CBY1: variants seen among roughly 807,000 people sequenced by gnomAD.
CBY1 encodes protein chibby homolog 1.
A neutral mutation model predicts 15.6 loss-of-function variants in CBY1; 10 were observed. The observed-to-expected ratio is 0.64, with a 90% CI of 0.40 to 1.09. The LOEUF is 1.09. CBY1 is among the 50% of genes least tolerant of loss of function. The pLI is 0.01. For synonymous variants in CBY1, 61 were observed against 63.5 expected (o/e 0.96, Z 0.19); for missense variants, 150 against 160.5 (o/e 0.93, Z 0.35).
intron 1 of CBY1, among the ~76,000 whole-genome samples, chr22:38,666,313 C>T (rs993564556): frequency 2.0e-5 from 3 of 151,812 alleles, no homozygotes; most frequent in East Asian, 3.9e-4. Context: ...CTCCTGTGCT[C>T]AAGTAATCCT....
At chr22:38,662,587 C>T (rs1356451399) in intron 1 of CBY1, among the ~76,000 whole-genome samples, 7 of 151,960 alleles carry the variant, frequency 4.6e-5, no homozygotes, top group Non-Finnish European at 8.8e-5. Flanking sequence ...GGCTCCTGGG[C>T]GCAAGCAATC....
At chr22:38,668,168 C>A in intron 2 of CBY1, 36 bp downstream of exon 2, 1 of 1,269,210 alleles carries the variant, frequency 7.9e-7, no homozygotes, top group Non-Finnish European at 1.2e-6. Context: ...GGGTGTGCAG[C>A]ATGAGTTGAG....
rs772615115 is a variant in CBY1 at position 38,670,978 on chromosome 22, A to T, written c.173A>T (p.Gln58Leu). Reference sequence around the variant, plus strand: ...CAAAGCCTGAAGTTTGAAAATGGCCAGTGGATAGCAGGTGAGCTGCACTTC... The same window carrying T: ...CAAAGCCTGAAGTTTGAAAATGGCCTGTGGATAGCAGGTGAGCTGCACTTC... ...AGQSLKFENGQWIAETGVSGG... is the reference protein window; with the variant it reads ...AGQSLKFENGLWIAETGVSGG... Residue 58 changes from glutamine to leucine, a missense_variant, in exon 3 of 5, where the codon CAG becomes CTG. Physicochemically the swap from Gln to Leu is moderately radical, Grantham distance 113 (BLOSUM62 -2). Coordinates refer to ENST00000216029, the MANE Select transcript of CBY1 (RefSeq NM_015373.4). The T allele has an allele frequency of 6.2e-7, 1 of 1,613,990 alleles. No individual in the cohort carries two copies.
chr22:38,666,607 G>A (rs1387327322), intron 1 of CBY1: 1 of 152,128 alleles, frequency 6.6e-6, no homozygotes, highest in Non-Finnish European at 1.5e-5. Context: ...GACATATGAG[G>A]TGCACTGTTG....
chr22:38,668,794 A>G (rs1269919990), intron 2 of CBY1: 1 of 152,680 alleles, frequency 6.5e-6, no homozygotes, highest in Non-Finnish European at 1.5e-5. Flanking sequence ...GGGGCTGAGC[A>G]TTCACTACAG....
intron 1 of CBY1, among the ~76,000 whole-genome samples, chr22:38,658,661 A>G (rs1882684453): frequency 1.3e-5 from 2 of 151,338 alleles, no homozygotes; most frequent in South Asian, 4.2e-4. Flanking sequence ...TATTTTTAGT[A>G]GAGACGGGGT....
At chr22:38,669,475 AG>A (rs1199131658) in intron 2 of CBY1, among the ~76,000 whole-genome samples, 5 of 152,200 alleles carry the variant, frequency 3.3e-5, no homozygotes, top group African/African-American at 1.2e-4. Context: ...AGGAGGGGAG[AG>A]AAAAACATCA....
At chr22:38,668,246 C>T (rs574463738) in intron 2 of CBY1, 114 bp downstream of exon 2, 6 of 661,106 alleles carry the variant, frequency 9.1e-6, no homozygotes, top group African/African-American at 9.0e-5. Context: ...GCATCCTTTC[C>T]GTCCATATCA....
intron 1 of CBY1, among the ~76,000 whole-genome samples, chr22:38,657,826 T>C (rs1425580020): frequency 6.6e-6 from 1 of 152,208 alleles, no homozygotes; most frequent in Non-Finnish European, 1.5e-5. Context: ...AGTGGGGACT[T>C]GACTTATTTC....
At chr22:38,667,397 T>G (rs562929920) in intron 1 of CBY1, among the ~76,000 whole-genome samples, 1 of 152,002 alleles carries the variant, frequency 6.6e-6, no homozygotes, top group South Asian at 2.1e-4. Flanking sequence ...AGCCTCAACC[T>G]CCCTGGGCTC....
Position 38,671,076 on chromosome 22 carries a change from G to C in CBY1, c.191G>C (p.Gly64Ala). The C allele has an allele frequency of 6.2e-7, 1 of 1,614,146 alleles. No homozygotes were observed. The highest frequency in any genetic ancestry group is 1.3e-5 in the African/African-American group (1 of 75,072). Residue 64 changes from glycine (G) to alanine (A), a missense_variant, in exon 4 of 5, where the codon GGG (glycine) becomes GCG (alanine). Physicochemically the swap from Gly to Ala is moderately conservative, Grantham distance 60. Transcript: ENST00000216029. Reference sequence around the variant, plus strand: ...GGTTCTGTCCTTCCTCCAGAGACAGGGGTTAGTGGCGGTGTGGACCGGAGG... The same window carrying C: ...GGTTCTGTCCTTCCTCCAGAGACAGCGGTTAGTGGCGGTGTGGACCGGAGG... ...FENGQWIAETGVSGGVDRREV... is the reference protein window; with the variant it reads ...FENGQWIAETAVSGGVDRREV...
intron 1 of CBY1, among the ~76,000 whole-genome samples, chr22:38,657,554 A>G (rs2092403967): frequency 6.6e-6 from 1 of 152,256 alleles, no homozygotes; most frequent in South Asian, 2.1e-4. Context: ...CCAGAATCCC[A>G]GGATCTCAGC....
At chr22:38,666,234 T>TATA (rs1555982684) in intron 1 of CBY1, among the ~76,000 whole-genome samples, 3,757 of 82,478 alleles carry the variant, frequency 0.046, 62 homozygotes, top group East Asian at 0.1. Flanking sequence ...TATATATATA[T>TATA]TTTTTTTTCT....
intron 1 of CBY1, among the ~76,000 whole-genome samples, chr22:38,661,272 C>G (rs2092421635): frequency 6.6e-6 from 1 of 152,224 alleles, no homozygotes; most frequent in African/African-American, 2.4e-5. Flanking sequence ...CTCCCAGGTT[C>G]AAGCGTTTCT....
At chr22:38,668,275 T>G (rs749931126) in intron 2 of CBY1, 143 bp downstream of exon 2, 3 of 572,860 alleles carry the variant, frequency 5.2e-6, no homozygotes. Context: ...GCGGAAAACA[T>G]TTTTGAACTC....
chr22:38,671,084 G>A lies in CBY1; in HGVS notation c.199G>A (p.Gly67Ser), dbSNP rs2092451047. The change falls in exon 4 of 5, where the codon GGC (glycine) becomes AGC (serine). Residue 67 changes from glycine to serine, a missense_variant. By Grantham distance (56) the Gly-to-Ser change is moderately conservative (BLOSUM62 0). Transcript: ENST00000216029. ...GQWIAETGVS[G>S]GVDRREVQRL... ...CCTTCCTCCAGAGACAGGGGTTAGTGGCGGTGTGGACCGGAGGGAGGTTCA... is the reference window on the plus strand; with the variant it reads ...CCTTCCTCCAGAGACAGGGGTTAGTAGCGGTGTGGACCGGAGGGAGGTTCA... The A allele has an allele frequency of 6.2e-7, 1 of 1,614,004 alleles. No individual in the cohort carries two copies. Among genetic ancestry groups the A allele is most frequent in the African/African-American group, 1.3e-5 (1 of 74,940 alleles).
Position 38,663,484 on chromosome 22 carries a change from T to C in CBY1, c.-38-4533T>C, listed in dbSNP as rs1169310428. 4.0e-5 allele frequency among the ~76,000 whole-genome samples: 6 copies of C among 150,966 alleles called. No homozygotes were observed. The South Asian group carries it at 6.3e-4, about 16-fold the overall frequency. ...GCTGAGGTGGGTGGATCACCTGAGG[T>C]TGGGAGTTCGAGACCAGCCTGACCA... On this transcript the variant is annotated intron_variant, in intron 1 of 4. Coordinates refer to ENST00000216029, the MANE Select transcript of CBY1 (RefSeq NM_015373.4).
At chr22:38,665,448 G>T (rs910322391) in intron 1 of CBY1, 12 of 378,796 alleles carry the variant, frequency 3.2e-5, no homozygotes, top group Non-Finnish European at 4.7e-5. Flanking sequence ...TGGGGGACCA[G>T]AACGAGACCC....
At chr22:38,672,273 AAAG>A (rs2092454801) in intron 4 of CBY1, among the ~76,000 whole-genome samples, 2 of 151,182 alleles carry the variant, frequency 1.3e-5, no homozygotes, top group African/African-American at 2.4e-5. Flanking sequence ...GAAAAAAAAA[AAAG>A]AAAAAGACTG....
Sources: allele counts gnomAD v4.1 joint callset (sites outside exome capture counted in the v4.1 genomes callset), GRCh38; gene constraint gnomAD v4.1.1; transcripts MANE v1.5; gene names NCBI Gene and HGNC (gene_info 2026-07-23, HGNC 2026-07-21).